FAM171A1: variants seen among roughly 807,000 people sequenced by gnomAD.
FAM171A1 encodes the protein protein FAM171A1.
Under a neutral mutation model 74.9 loss-of-function variants are expected in FAM171A1, and 23 were observed. The ratio of observed to expected loss-of-function variants is 0.31; its 90% CI spans 0.22 to 0.44. FAM171A1 has a LOEUF of 0.44. FAM171A1 is among the 20% of genes least tolerant of loss of function. FAM171A1 has a pLI of 1.00. For missense variants in FAM171A1, 1,162 were observed against 1,159.2 expected (o/e 1.00, Z -0.03); for synonymous variants, 527 against 505.7 (o/e 1.04, Z -0.57).
chr10:15,272,889 G>A (rs936598164), intron 3 of FAM171A1, among the ~76,000 whole-genome samples: 1 of 152,192 alleles, frequency 6.6e-6, no homozygotes, highest in Non-Finnish European at 1.5e-5. Flanking sequence ...CACATTTAAA[G>A]CAATGTGTAG....
intron 5 of FAM171A1, among the ~76,000 whole-genome samples, chr10:15,243,295 C>T (rs1834386270): frequency 1.3e-5 from 2 of 152,072 alleles, no homozygotes; most frequent in Non-Finnish European, 2.9e-5. Context: ...TTGTGATGGC[C>T]GTGGGCCCAC....
chr10:15,267,825 G>A (rs549338655), intron 3 of FAM171A1, among the ~76,000 whole-genome samples: 55 of 152,168 alleles, frequency 3.6e-4, no homozygotes, highest in Non-Finnish European at 5.3e-4. Context: ...GGACAGCCAC[G>A]ACGGACGAAG....
At chr10:15,262,893 G>A (rs562624489) in intron 3 of FAM171A1, among the ~76,000 whole-genome samples, 7 of 152,332 alleles carry the variant, frequency 4.6e-5, no homozygotes, top group Non-Finnish European at 7.3e-5. Context: ...TCGGAAAGGC[G>A]GCAGGAGGAA....
intron 3 of FAM171A1, among the ~76,000 whole-genome samples, chr10:15,274,416 C>A (rs1342958337): frequency 1.3e-5 from 2 of 152,330 alleles, no homozygotes; most frequent in Admixed American, 6.5e-5. Flanking sequence ...ACACTCCATG[C>A]TCATGGATAG....
intron 5 of FAM171A1, among the ~76,000 whole-genome samples, chr10:15,234,564 G>C (rs1310758120): frequency 1.3e-5 from 2 of 152,098 alleles, no homozygotes; most frequent in Non-Finnish European, 2.9e-5. Flanking sequence ...CACTCTAGTA[G>C]CCCATGAGCA....
At position 15,340,890 on chromosome 10, in the gene FAM171A1, C is replaced by T. The variant is rs1835757352; in HGVS notation, c.97+30066G>A. On this transcript the variant is annotated intron_variant, in intron 1 of 7. Transcript: ENST00000378116. ...GGAGTTTGACAATTGAGATGATGGG[C>T]TACACCAACAAGGGTGTGAGATGGA... Among the ~76,000 whole-genome samples the T allele has an allele frequency of 2.6e-5, 4 of 152,106 alleles. 1 individual carries two copies. The highest frequency in any genetic ancestry group is 2.6e-4 in the Admixed American group (4 of 15,266).
intron 1 of FAM171A1, among the ~76,000 whole-genome samples, chr10:15,357,312 C>G (rs1835945408): frequency 6.6e-6 from 1 of 151,892 alleles, no homozygotes; most frequent in Admixed American, 6.6e-5. Context: ...ATAAACAAAC[C>G]AAAAATAAAT....
chr10:15,349,382 C>G (rs1486062020), intron 1 of FAM171A1, among the ~76,000 whole-genome samples: 1 of 152,196 alleles, frequency 6.6e-6, no homozygotes, highest in African/African-American at 2.4e-5. Flanking sequence ...AGGAGGGGTT[C>G]AATAAATATC....
At chr10:15,233,708 C>T (rs1448905756) in intron 5 of FAM171A1, among the ~76,000 whole-genome samples, 3 of 151,966 alleles carry the variant, frequency 2.0e-5, no homozygotes, top group Non-Finnish European at 2.9e-5. Flanking sequence ...TGGAGACCAT[C>T]GTGGCCAATG....
chr10:15,227,029 T>G (rs1834117842), intron 5 of FAM171A1, among the ~76,000 whole-genome samples: 1 of 152,206 alleles, frequency 6.6e-6, no homozygotes, highest in Non-Finnish European at 1.5e-5. Context: ...AGACAGAGTC[T>G]CATTCTTTTG....
intron 1 of FAM171A1, among the ~76,000 whole-genome samples, chr10:15,328,059 C>G (rs1835578530): frequency 6.8e-6 from 1 of 147,678 alleles, no homozygotes; most frequent in Non-Finnish European, 1.5e-5. Flanking sequence ...TTAAATCCAC[C>G]AGGTACTTTT....
At chr10:15,296,184 G>C (rs1411097455) in intron 1 of FAM171A1, among the ~76,000 whole-genome samples, 1 of 152,064 alleles carries the variant, frequency 6.6e-6, no homozygotes, top group Non-Finnish European at 1.5e-5. Flanking sequence ...TGTTACACTG[G>C]AGTTTTCATG....
chr10:15,302,853 TG>T (rs1835248574), intron 1 of FAM171A1, among the ~76,000 whole-genome samples: 1 of 152,248 alleles, frequency 6.6e-6, no homozygotes, highest in Admixed American at 6.5e-5. Flanking sequence ...TGGAACAGCA[TG>T]GTAAACTATG....
At chr10:15,361,583 T>C (rs893033662) in intron 1 of FAM171A1, among the ~76,000 whole-genome samples, 1 of 151,926 alleles carries the variant, frequency 6.6e-6, no homozygotes, top group African/African-American at 2.4e-5. Flanking sequence ...CTCGGGAGGG[T>C]GAGGCAAGAG....
At position 15,326,286 on chromosome 10, in the gene FAM171A1, G is replaced by C. The variant is rs1015177401; in HGVS notation, c.98-42181C>G. On this transcript the variant is annotated intron_variant, in intron 1 of 7. Transcript: ENST00000378116. ...TTAGTCTCAAACGGCTGCCTTTGGT[G>C]AGAGGAAGAGTTTCCCACAATCCCA... 1.6e-4 allele frequency among the ~76,000 whole-genome samples: 24 copies of C among 152,020 alleles called. 1 individual carries two copies. Among genetic ancestry groups the C allele is most frequent in the Admixed American group, 1.2e-3 (18 of 15,238 alleles).
chr10:15,348,384 C>T (rs1011430716), intron 1 of FAM171A1, among the ~76,000 whole-genome samples: 5 of 149,668 alleles, frequency 3.3e-5, no homozygotes, highest in African/African-American at 9.9e-5. Flanking sequence ...GTGATCCTCC[C>T]GCCTCAGCCT....
At chr10:15,283,091 C>T (rs1834990906) in intron 2 of FAM171A1, among the ~76,000 whole-genome samples, 1 of 152,176 alleles carries the variant, frequency 6.6e-6, no homozygotes, top group Non-Finnish European at 1.5e-5. Context: ...CCTCCCATTT[C>T]CCCAAAGCTC....
At chr10:15,318,079 C>A (rs2131844710) in intron 1 of FAM171A1, among the ~76,000 whole-genome samples, 1 of 152,304 alleles carries the variant, frequency 6.6e-6, no homozygotes, top group South Asian at 2.1e-4. Context: ...CAGGGGTGAC[C>A]CATAGCACCT....
intron 3 of FAM171A1, among the ~76,000 whole-genome samples, chr10:15,267,397 GA>G (rs1168796513): frequency 1.3e-5 from 2 of 151,990 alleles, no homozygotes; most frequent in African/African-American, 4.8e-5. Context: ...GAGGTCAGTA[GA>G]TTGAGGCCAT....
Sources: gnomAD v4.1 joint callset for allele counts (sites outside exome capture counted in the v4.1 genomes callset) on GRCh38, gnomAD v4.1.1 for gene constraint, MANE v1.5 for transcripts, NCBI Gene and HGNC (gene_info 2026-07-23, HGNC 2026-07-21) for gene names.